The following CSF2RA variants were observed in gnomAD, a reference collection of about 807,000 sequenced individuals.
CSF2RA encodes colony stimulating factor 2 receptor subunit alpha.
CSF2RA carries 42 observed loss-of-function variants against 51.6 expected under a neutral mutation model. The ratio of observed to expected loss-of-function variants is 0.81; its 90% CI spans 0.64 to 1.05. The LOEUF (loss-of-function observed/expected upper bound fraction) is 1.05. Ranked by LOEUF, CSF2RA falls within the 50% of genes least tolerant of loss-of-function variation. The probability of loss-of-function intolerance (pLI) is 0.00; values close to 1 mark genes in which losing one functional copy is unlikely to be tolerated. For synonymous variants in CSF2RA, 222 were observed against 193.0 expected (o/e 1.15, Z -1.24); for missense variants, 530 against 501.1 (o/e 1.06, Z -0.55).
At chrX:1,276,496 C>T (rs1472655815) in intron 2 of CSF2RA, among the ~76,000 whole-genome samples, 3 of 152,044 alleles carry the variant, frequency 2.0e-5, no homozygotes, top group East Asian at 1.9e-4. Flanking sequence ...GCCTCAGCCT[C>T]GCGAGTAGCT....
At chrX:1,314,292 G>C (rs1378706410), downstream of CSF2RA, among the ~76,000 whole-genome samples, 6 of 104,856 alleles carry the variant, frequency 5.7e-5, no homozygotes, top group South Asian at 3.0e-4. Context: ...CACTGCATCT[G>C]CCCAACCACT....
chrX:1,281,076 TC>T (rs2089960187), intron 2 of CSF2RA, among the ~76,000 whole-genome samples: 1 of 68,782 alleles, frequency 1.5e-5, no homozygotes, highest in African/African-American at 6.1e-5. Context: ...CTTCTCCTCC[TC>T]CTCCTTCTCC....
At position 1,309,585 on chromosome X, in the gene CSF2RA, T is replaced by C. The variant is rs1310207530; in HGVS notation, c.*106T>C. On this transcript the variant is annotated 3_prime_UTR_variant, in exon 13 of 13. Coordinates refer to ENST00000381529, the MANE Select transcript of CSF2RA (RefSeq NM_172245.4). ...CTTTATATCATTTTCTATGTTTTTA[T>C]TTAAAAACATGACATTTGGGGCCAG... 2.5e-6 allele frequency: 4 copies of C among 1,613,732 alleles called. No individual in the cohort carries two copies. Among genetic ancestry groups the C allele is most frequent in the East Asian group, 2.2e-5 (1 of 44,864 alleles).
chrX:1,274,479 C>T (rs2088877097), intron 1 of CSF2RA, among the ~76,000 whole-genome samples: 1 of 149,764 alleles, frequency 6.7e-6, no homozygotes, highest in African/African-American at 2.5e-5. Context: ...CACCCACTAC[C>T]GCGCCCAGCT....
At chrX:1,286,298 G>T (rs1471524408) in intron 4 of CSF2RA, among the ~76,000 whole-genome samples, 2 of 150,306 alleles carry the variant, frequency 1.3e-5, no homozygotes, top group African/African-American at 4.9e-5. Flanking sequence ...GCCGGGTGTG[G>T]TGGCTCACGC....
At chrX:1,289,858 TTTTG>T (rs1375903042) in intron 6 of CSF2RA, among the ~76,000 whole-genome samples, 1 of 150,284 alleles carries the variant, frequency 6.7e-6, no homozygotes, top group Non-Finnish European at 1.5e-5. Context: ...GTTTTTGTGT[TTTTG>T]TTTTGTGTTT....
chrX:1,289,042 A>T (rs1276424648), intron 6 of CSF2RA, 154 bp downstream of exon 6: 1 of 996,318 alleles, frequency 1.0e-6, no homozygotes, highest in East Asian at 2.5e-5. Context: ...GCTCACTGCA[A>T]CCTCGACCTC....
intron 4 of CSF2RA, 110 bp from the exon 5 acceptor site, chrX:1,288,409 A>AGG (rs1569500983): frequency 3.9e-6 from 4 of 1,016,446 alleles, no homozygotes; most frequent in African/African-American, 1.5e-5. Context: ...TTGAACCTGG[A>AGG]AGGCGGAGGT....
At chrX:1,314,449 AT>A (rs2084378019), downstream of CSF2RA, among the ~76,000 whole-genome samples, 2 of 146,910 alleles carry the variant, frequency 1.4e-5, no homozygotes, top group South Asian at 4.2e-4. Context: ...CACTTGCCCA[AT>A]TGCACTGCAC....
At chrX:1,321,993 G>A in the CSF2RA span, among the ~76,000 whole-genome samples, 9 of 151,982 alleles carry the variant, frequency 5.9e-5, no homozygotes, top group Admixed American at 2.0e-4. Flanking sequence ...AAATTACCCC[G>A]GCATGGTGGC....
In CSF2RA at chrX:1,274,829, C is replaced by T. The variant is rs1402546319; in HGVS notation, c.-27+11C>T. Reference sequence around the variant, plus strand: ...TTTGCGTAGAACCCTGTACGTGCTTCCTTCGGCCTGTCGGTAATGTGGTTG... The same window carrying T: ...TTTGCGTAGAACCCTGTACGTGCTTTCTTCGGCCTGTCGGTAATGTGGTTG... On this transcript the variant is annotated intron_variant, in intron 2 of 12. Coordinates refer to ENST00000381529, the MANE Select transcript of CSF2RA (RefSeq NM_172245.4). 2 of 453,520 alleles carry T rather than the reference C, an allele frequency of 4.4e-6. No individual in the cohort carries two copies. The highest frequency in any genetic ancestry group is 8.8e-6 in the Non-Finnish European group (2 of 226,680). The allele number at this position is 453,520 out of a possible 1,614,324, so 28.1% of individuals were successfully genotyped here.
In CSF2RA at chrX:1,290,193, G is replaced by GT. The variant is rs374588323; in HGVS notation, c.474-136dup. On this transcript the variant is annotated intron_variant, in intron 6 of 12. Transcript: ENST00000381529. ...TGTTTTGTGTTTTGTGTTTTTGTGG[G>GT]TTTTTTTTGTTTTGTGTTTTTGTTT... The GT allele has an allele frequency of 1.6e-3, 990 of 601,610 alleles. 9 individuals carry two copies. In the African/African-American group the frequency reaches 0.022, roughly 13 times the overall value. 37.3% of individuals were successfully genotyped at this position (601,610 alleles called of 1,614,324 possible).
chrX:1,280,548 G>GGGGGC (rs1355497267), intron 2 of CSF2RA, among the ~76,000 whole-genome samples: 3 of 151,668 alleles, frequency 2.0e-5, no homozygotes, highest in African/African-American at 4.8e-5. Context: ...AACTCAAAGT[G>GGGGGC]GGGGCTTCCA....
At chrX:1,284,660 A>ATTTTTTTTT (rs61159606) in intron 3 of CSF2RA, among the ~76,000 whole-genome samples, 14 of 24,448 alleles carry the variant, frequency 5.7e-4, no homozygotes, top group East Asian at 1.7e-3. Context: ...CTAGTTTTTG[A>ATTTTTTTTT]TTTTTTTTTT....
the CSF2RA span, among the ~76,000 whole-genome samples, chrX:1,316,978 A>G: frequency 1.3e-5 from 2 of 151,854 alleles, no homozygotes; most frequent in African/African-American, 4.8e-5. Flanking sequence ...ACGGACTCTC[A>G]CTCTGTCGCC....
chrX:1,292,788 G>A (rs2091524207), intron 7 of CSF2RA, among the ~76,000 whole-genome samples: 1 of 152,132 alleles, frequency 6.6e-6, no homozygotes, highest in Admixed American at 6.6e-5. Context: ...GCAGGAGACG[G>A]AGGGCTTCCT....
Position 1,300,570 on chromosome X carries a change from G to C in CSF2RA, c.890G>C (p.Arg297Thr). 6.2e-7 allele frequency: 1 copy of C among 1,613,940 alleles called. No individual in the cohort carries two copies. The highest frequency in any genetic ancestry group is 8.5e-7 in the Non-Finnish European group (1 of 1,179,858). ...AGAGCAAAACACAGTGTGAAGATCA[G>C]AGCTGCAGACGTCCGCATCTTGAAT... ...EPRAKHSVKI[R>T]AADVRILNWS... The change falls in exon 10 of 13, where the codon AGA (arginine) becomes ACA (threonine). Residue 297 changes from arginine (R) to threonine (T), a missense_variant. By Grantham distance (71) the Arg-to-Thr change is moderately conservative. Coordinates refer to ENST00000381529, the MANE Select transcript of CSF2RA (RefSeq NM_172245.4).
the CSF2RA span, among the ~76,000 whole-genome samples, chrX:1,317,651 T>C: frequency 2.2e-4 from 33 of 151,366 alleles, no homozygotes; most frequent in Non-Finnish European, 3.2e-4. Flanking sequence ...TCACCATTTC[T>C]GTAACGTGCA....
chrX:1,290,619 C>T, intron 7 of CSF2RA, 110 bp downstream of exon 7: 1 of 1,119,188 alleles, frequency 8.9e-7, no homozygotes, highest in Non-Finnish European at 1.4e-6. Context: ...AATCTCAGCA[C>T]TTTGGGAGGC....
Sources: gnomAD v4.1 joint callset for allele counts (sites outside exome capture counted in the v4.1 genomes callset) on GRCh38, gnomAD v4.1.1 for gene constraint, MANE v1.5 for transcripts, NCBI Gene and HGNC (gene_info 2026-07-23, HGNC 2026-07-21) for gene names.